Variants in NF1 observed in about 807,000 individuals in gnomAD.
The protein encoded by NF1 is neurofibromin.
A neutral mutation model predicts 325.7 loss-of-function variants in NF1; 122 were observed. The ratio of observed to expected loss-of-function variants is 0.37; its 90% CI spans 0.32 to 0.44. The LOEUF (loss-of-function observed/expected upper bound fraction) is 0.44. Among genes scored for constraint, NF1 ranks in the 20% least tolerant of loss-of-function variants. The pLI is 1.00. For synonymous variants in NF1, 1,091 were observed against 1,186.0 expected (o/e 0.92, Z 1.65); for missense variants, 2,140 against 3,415.4 (o/e 0.63, Z 9.31).
rs113359320 is a variant in NF1 at position 31,274,399 on chromosome 17, A to C, written c.4835+9060A>C. ...GGACTGTGAACAATGGTGTTGACATACAAGGAAATTGCAACATAAATGGCA... is the reference window on the plus strand; with the variant it reads ...GGACTGTGAACAATGGTGTTGACATCCAAGGAAATTGCAACATAAATGGCA... On this transcript the variant is annotated intron_variant, in intron 36 of 57. Transcript: ENST00000358273. Among the ~76,000 whole-genome samples the C allele has an allele frequency of 3.9e-3, 592 of 152,302 alleles. 5 individuals are homozygous for C. Among genetic ancestry groups the C allele is most frequent in the African/African-American group, 0.014 (563 of 41,574 alleles).
At chr17:31,212,164 A>G (rs2066739212) in intron 12 of NF1, among the ~76,000 whole-genome samples, 1 of 152,092 alleles carries the variant, frequency 6.6e-6, no homozygotes, top group Non-Finnish European at 1.5e-5. Context: ...TATTTTGAAA[A>G]CTGTTTTAAG....
At chr17:31,301,140 G>C (rs2068565195) in intron 36 of NF1, among the ~76,000 whole-genome samples, 1 of 151,824 alleles carries the variant, frequency 6.6e-6, no homozygotes, top group Non-Finnish European at 1.5e-5. Flanking sequence ...TGTGTAATGC[G>C]CACTTGCATG....
intron 8 of NF1, among the ~76,000 whole-genome samples, chr17:31,199,383 G>GT (rs1370436933): frequency 6.6e-6 from 1 of 151,978 alleles, no homozygotes; most frequent in Non-Finnish European, 1.5e-5. Context: ...GAATTTTTTA[G>GT]TTTTTTTATC....
chr17:31,131,071 T>C (rs1915343929), intron 1 of NF1, among the ~76,000 whole-genome samples: 1 of 152,152 alleles, frequency 6.6e-6, no homozygotes, highest in African/African-American at 2.4e-5. Context: ...ACCCCCACCT[T>C]ATGGGCAAGA....
chr17:31,108,608 C>T (rs1913109091), intron 1 of NF1, among the ~76,000 whole-genome samples: 2 of 152,138 alleles, frequency 1.3e-5, no homozygotes, highest in Admixed American at 1.3e-4. Context: ...CCTTTTGTAT[C>T]CATTACTCAA....
chr17:31,184,398 C>T (rs1343140033), intron 8 of NF1, among the ~76,000 whole-genome samples: 3 of 151,878 alleles, frequency 2.0e-5, no homozygotes, highest in South Asian at 2.1e-4. Context: ...GCCTGTAATC[C>T]CAGCACTTTG....
intron 1 of NF1, among the ~76,000 whole-genome samples, chr17:31,134,389 T>G (rs1161483647): frequency 6.6e-6 from 1 of 152,262 alleles, no homozygotes; most frequent in Non-Finnish European, 1.5e-5. Context: ...CATATGAATA[T>G]GAAACATGTT....
At chr17:31,207,574 A>G (rs1372593235) in intron 12 of NF1, among the ~76,000 whole-genome samples, 2 of 152,190 alleles carry the variant, frequency 1.3e-5, no homozygotes, top group Non-Finnish European at 2.9e-5. Context: ...AGATCATGGC[A>G]ATGATGTTTC....
At chr17:31,358,917 A>G in intron 55 of NF1, 52 bp from the exon 56 acceptor site, 1 of 1,467,658 alleles carries the variant, frequency 6.8e-7, no homozygotes, top group Admixed American at 1.7e-5. Flanking sequence ...AATTTCTGTT[A>G]CAATTAAAAG....
Position 31,338,879 on chromosome 17 carries a change from T to A in NF1, c.6921+74T>A, listed in dbSNP as rs2069749907. On this transcript the variant is annotated intron_variant, in intron 46 of 57. Coordinates refer to ENST00000358273, the MANE Select transcript of NF1 (RefSeq NM_001042492.3). ...GAATGTTACTTTCTTTCAAAGAGTT[T>A]AGAAAATAAGATGAATTGAGAATAA... 4.1e-6 allele frequency: 4 copies of A among 975,846 alleles called. No homozygotes were observed. In the Admixed American group the frequency reaches 7.0e-5, roughly 17 times the overall value. 60.4% of individuals were successfully genotyped at this position (975,846 alleles called of 1,614,324 possible).
chr17:31,158,557 G>A (rs2058048608), intron 2 of NF1, among the ~76,000 whole-genome samples: 1 of 152,072 alleles, frequency 6.6e-6, no homozygotes, highest in Admixed American at 6.6e-5. Context: ...CAAAACCATA[G>A]TCTCTTGTTA....
intron 5 of NF1, among the ~76,000 whole-genome samples, chr17:31,180,961 CAGAG>C (rs980104733): frequency 2.0e-5 from 3 of 152,110 alleles, no homozygotes; most frequent in Non-Finnish European, 2.9e-5. Context: ...AACAGACAAA[CAGAG>C]AGCCAAATCA....
chr17:31,189,339 T>C (rs1304617968), intron 8 of NF1, among the ~76,000 whole-genome samples: 1 of 152,088 alleles, frequency 6.6e-6, no homozygotes, highest in Non-Finnish European at 1.5e-5. Flanking sequence ...CTAGCTTTTT[T>C]GGTCAGATCT....
chr17:31,334,942 G>T lies in NF1; in HGVS notation c.5917G>T (p.Ala1973Ser), dbSNP rs2151550526. Residue 1973 changes from alanine to serine, a missense_variant, in exon 40 of 58, where the codon GCT becomes TCT. By Grantham distance (99) the Ala-to-Ser change is moderately conservative (BLOSUM62 1). Around this residue, in one of 10 missense-constraint regions of NF1, gnomAD observed 180 missense variants for 435.1 expected, o/e 0.41. Transcript: ENST00000358273. ...NDDAKRQRVT[A>S]ILDKLITMTI... ...TGATGCCAAACGACAAAGAGTTACT[G>T]CTATTCTTGACAAGCTGATAACAAT... 1 of 1,613,602 alleles carries T rather than the reference G, an allele frequency of 6.2e-7. No homozygotes were observed.
intron 36 of NF1, among the ~76,000 whole-genome samples, chr17:31,315,733 ATAG>A (rs1567890888): frequency 6.6e-6 from 1 of 152,186 alleles, no homozygotes; most frequent in Non-Finnish European, 1.5e-5. Context: ...GATGCATATT[ATAG>A]TAGGTACGGA....
intron 36 of NF1, among the ~76,000 whole-genome samples, chr17:31,320,186 A>G (rs186013285): frequency 6.6e-6 from 1 of 152,268 alleles, no homozygotes; most frequent in African/African-American, 2.4e-5. Context: ...GTCTTGAGCT[A>G]CTTTTGAAAG....
chr17:31,213,823 C>T (rs1269558571), intron 12 of NF1, among the ~76,000 whole-genome samples: 2 of 151,982 alleles, frequency 1.3e-5, no homozygotes, highest in South Asian at 2.1e-4. Context: ...GGAGTGCCGT[C>T]GAAGGAAAAA....
intron 51 of NF1, chr17:31,356,004 T>C (rs2070260393): frequency 6.4e-6 from 1 of 155,296 alleles, no homozygotes; most frequent in African/African-American, 2.4e-5. Flanking sequence ...CTTAAAAAAT[T>C]AAAATCAAAC....
At chr17:31,293,336 T>C (rs2068390798) in intron 36 of NF1, among the ~76,000 whole-genome samples, 1 of 151,992 alleles carries the variant, frequency 6.6e-6, no homozygotes, top group South Asian at 2.1e-4. Flanking sequence ...AATCAGTGTT[T>C]GGGAGGGAGT....
Sources: gnomAD v4.1 joint callset for allele counts (sites outside exome capture counted in the v4.1 genomes callset) on GRCh38, gnomAD v4.1.1 for gene constraint, gnomAD v4.1.1 regional missense constraint, MANE v1.5 for transcripts, NCBI Gene and HGNC (gene_info 2026-07-23, HGNC 2026-07-21) for gene names.